Variants in PTPRQ observed in about 807,000 individuals in gnomAD.
PTPRQ encodes protein tyrosine phosphatase receptor type Q.
A neutral mutation model predicts 246.0 loss-of-function variants in PTPRQ; 199 were observed. The observed-to-expected ratio is 0.81, with a 90% CI of 0.72 to 0.91. PTPRQ has a LOEUF of 0.91. Among genes scored for constraint, PTPRQ ranks in the 40% least tolerant of loss-of-function variants. The probability of loss-of-function intolerance (pLI) is 0.00; values close to 1 mark genes in which losing one functional copy is unlikely to be tolerated. For synonymous variants in PTPRQ, 869 were observed against 853.2 expected (o/e 1.02, Z -0.32); for missense variants, 2,624 against 2,528.4 (o/e 1.04, Z -0.81).
intron 8 of PTPRQ, among the ~76,000 whole-genome samples, chr12:80,483,252 C>T (rs1366788077): frequency 1.5e-5 from 2 of 137,772 alleles, no homozygotes; most frequent in African/African-American, 2.8e-5. Flanking sequence ...TGGAAATCAT[C>T]ATTCTCAGTA....
intron 9 of PTPRQ, 90 bp from the exon 10 acceptor site, chr12:80,493,185 C>A: frequency 7.7e-7 from 1 of 1,305,018 alleles, no homozygotes; most frequent in Non-Finnish European, 9.9e-7. Context: ...AGCATGATTC[C>A]AAAGTTATAG....
intron 26 of PTPRQ, among the ~76,000 whole-genome samples, chr12:80,589,358 C>G (rs1897717082): frequency 6.6e-6 from 1 of 152,134 alleles, no homozygotes; most frequent in Non-Finnish European, 1.5e-5. Context: ...GTTTGCCAGG[C>G]CACCCATCCC....
At chr12:80,581,790 G>GA (rs1219667229) in intron 25 of PTPRQ, among the ~76,000 whole-genome samples, 4 of 151,668 alleles carry the variant, frequency 2.6e-5, no homozygotes, top group East Asian at 3.9e-4. Flanking sequence ...ACACCCAATA[G>GA]AAAAAAAAGT....
At chr12:80,607,319 A>G (rs1259993130) in intron 27 of PTPRQ, among the ~76,000 whole-genome samples, 1 of 151,062 alleles carries the variant, frequency 6.6e-6, no homozygotes, top group Non-Finnish European at 1.5e-5. Flanking sequence ...AAATTCGCCA[A>G]CATAAATATA....
chr12:80,632,097 ATT>A, intron 33 of PTPRQ, 93 bp from the exon 34 acceptor site: 1 of 1,450,828 alleles, frequency 6.9e-7, no homozygotes, highest in East Asian at 2.5e-5. Flanking sequence ...AGCAAAGAAT[ATT>A]TTCTTATGCC....
chr12:80,673,665 A>G (rs1901044015), intron 43 of PTPRQ, among the ~76,000 whole-genome samples: 1 of 152,154 alleles, frequency 6.6e-6, no homozygotes, highest in Admixed American at 6.5e-5. Flanking sequence ...AAAAGTTATA[A>G]ATGGGAAAAC....
intron 17 of PTPRQ, among the ~76,000 whole-genome samples, chr12:80,527,161 C>T (rs941943707): frequency 2.0e-5 from 3 of 151,908 alleles, no homozygotes; most frequent in Admixed American, 6.6e-5. Flanking sequence ...AAGACACTTT[C>T]ATTTATAAAA....
At chr12:80,609,970 A>C (rs187218269) in intron 27 of PTPRQ, among the ~76,000 whole-genome samples, 38 of 150,596 alleles carry the variant, frequency 2.5e-4, no homozygotes, top group African/African-American at 8.7e-4. Flanking sequence ...TCCTTTCTAA[A>C]TCTCAGTGAA....
At chr12:80,524,844 T>C (rs978425175) in intron 17 of PTPRQ, among the ~76,000 whole-genome samples, 40 of 152,198 alleles carry the variant, frequency 2.6e-4, no homozygotes, top group African/African-American at 8.4e-4. Flanking sequence ...CACACCCAGA[T>C]CTGTGTTACT....
Position 80,658,008 on chromosome 12 carries a change from A to G in PTPRQ, c.6139A>G (p.Ile2047Val). Residue 2047 changes from isoleucine (I) to valine (V), a missense_variant, in exon 39 of 45, where the codon ATA (isoleucine) becomes GTA (valine). Physicochemically the swap from Ile to Val is conservative, Grantham distance 29. Coordinates refer to ENST00000644991, the MANE Select transcript of PTPRQ (RefSeq NM_001145026.2). ...AGATAATAATAACAGAGTAAAGCTG[A>G]TAGCTGACGCTAGTGTTCCAGGTTC... ...KPYNNNRVKL[I>V]ADASVPGSDY... is the part of the protein sequence containing the mutation. 1 of 1,436,940 alleles carries G rather than the reference A, an allele frequency of 7.0e-7. No individual in the cohort carries two copies. Among genetic ancestry groups the G allele is most frequent in the Non-Finnish European group, 9.1e-7 (1 of 1,093,318 alleles). 89.0% of individuals were successfully genotyped at this position (1,436,940 alleles called of 1,614,324 possible). A position where few individuals can be genotyped will look rare whatever the true frequency, so the allele number is the denominator to read the frequency against.
intron 3 of PTPRQ, among the ~76,000 whole-genome samples, chr12:80,450,316 T>C (rs576515580): frequency 2.8e-4 from 42 of 152,342 alleles, no homozygotes; most frequent in Admixed American, 1.1e-3. Flanking sequence ...AATCATGTCA[T>C]CTTCAAACAG....
At chr12:80,635,306 G>A (rs760416330) in intron 35 of PTPRQ, among the ~76,000 whole-genome samples, 2 of 152,032 alleles carry the variant, frequency 1.3e-5, no homozygotes, top group Non-Finnish European at 2.9e-5. Context: ...TGTTCAATCA[G>A]GATTATTTTC....
chr12:80,598,947 A>G (rs987930857), intron 26 of PTPRQ, among the ~76,000 whole-genome samples: 1 of 152,030 alleles, frequency 6.6e-6, no homozygotes, highest in African/African-American at 2.4e-5. Flanking sequence ...TGCAGATGGC[A>G]AAGTTACAAA....
At chr12:80,670,220 T>A in intron 41 of PTPRQ, 124 bp from the exon 42 acceptor site, 2 of 1,363,910 alleles carry the variant, frequency 1.5e-6, no homozygotes, top group Non-Finnish European at 2.0e-6. Flanking sequence ...AATGAAAACA[T>A]TTTATTTGGT....
chr12:80,660,450 A>G (rs2121256653), intron 39 of PTPRQ, among the ~76,000 whole-genome samples: 1 of 152,170 alleles, frequency 6.6e-6, no homozygotes, highest in South Asian at 2.1e-4. Context: ...ATAGACTGTG[A>G]AAGAGGTAGG....
chr12:80,493,526 A>C, intron 10 of PTPRQ, 71 bp downstream of exon 10: 2 of 1,449,944 alleles, frequency 1.4e-6, no homozygotes, highest in Non-Finnish European at 1.8e-6. Context: ...AAATGAACCT[A>C]AGCTTAGAGT....
chr12:80,610,634 A>G lies in PTPRQ; in HGVS notation c.4918+9A>G. On this transcript the variant is annotated intron_variant, in intron 28 of 44. Coordinates refer to ENST00000644991, the MANE Select transcript of PTPRQ (RefSeq NM_001145026.2). ...TACTACTTTAGAATCAGGTAAGGAG[A>G]ATTTCTCAACCTTGCTAAAAATTGA... 1 of 1,539,964 alleles carries G rather than the reference A, an allele frequency of 6.5e-7. No individual in the cohort carries two copies.
intron 38 of PTPRQ, among the ~76,000 whole-genome samples, chr12:80,655,328 A>T (rs933017052): frequency 2.6e-5 from 4 of 152,200 alleles, no homozygotes; most frequent in African/African-American, 9.6e-5. Context: ...TGAAATAATC[A>T]TGTAAATCGC....
At chr12:80,556,773 A>C (rs1291199131) in intron 25 of PTPRQ, among the ~76,000 whole-genome samples, 1 of 152,172 alleles carries the variant, frequency 6.6e-6, no homozygotes, top group Non-Finnish European at 1.5e-5. Flanking sequence ...TAGTAGTTAG[A>C]GGAGAATAAA....
Sources: gnomAD v4.1 joint callset for allele counts (sites outside exome capture counted in the v4.1 genomes callset) on GRCh38, gnomAD v4.1.1 for gene constraint, MANE v1.5 for transcripts, NCBI Gene and HGNC (gene_info 2026-07-23, HGNC 2026-07-21) for gene names.